Variants in NOS2 observed in about 807,000 individuals in gnomAD.
NOS2 encodes the protein nitric oxide synthase 2, also known as nitric oxide synthase, inducible.
A neutral mutation model predicts 136.0 loss-of-function variants in NOS2; 96 were observed. The observed-to-expected ratio is 0.71, with a 90% CI of 0.60 to 0.84. The LOEUF (loss-of-function observed/expected upper bound fraction) is 0.84. NOS2 is among the 40% of genes least tolerant of loss of function. The pLI, the probability that NOS2 is intolerant of heterozygous loss-of-function variation, is 0.00. For synonymous variants in NOS2, 539 were observed against 587.5 expected, an observed-to-expected ratio of 0.92 and a Z score of 1.20; for missense variants, 1,237 against 1,496.9, an observed-to-expected ratio of 0.83 and a Z score of 2.87.
intron 6 of NOS2, 60 bp from the exon 7 acceptor site, chr17:27,782,166 T>C (rs1422295055): frequency 1.3e-5 from 19 of 1,450,744 alleles, no homozygotes; most frequent in Non-Finnish European, 1.6e-5. Context: ...GCTTTGAGGC[T>C]GATCAGAAGT....
chr17:27,764,335 T>C (rs1158567921), intron 20 of NOS2, among the ~76,000 whole-genome samples, 191 bp from the exon 21 acceptor site: 1 of 152,058 alleles, frequency 6.6e-6, no homozygotes, highest in South Asian at 2.1e-4. Flanking sequence ...GGAAGGCTGA[T>C]CACCAGCCCC....
chr17:27,795,181 T>C (rs1397011003), intron 2 of NOS2, among the ~76,000 whole-genome samples: 1 of 152,236 alleles, frequency 6.6e-6, no homozygotes, highest in Non-Finnish European at 1.5e-5. Flanking sequence ...CGTTTCCCCG[T>C]TTCCTTCCTG....
At position 27,789,791 on chromosome 17, in the gene NOS2, G is replaced by A. The variant is rs1341653804; in HGVS notation, c.111-103C>T. The A allele has an allele frequency of 1.7e-5, 13 of 767,802 alleles. 1 individual carries two copies. The South Asian group carries it at 1.9e-4, about 11-fold the overall frequency. 47.6% of individuals were successfully genotyped at this position (767,802 alleles called of 1,614,324 possible). On this transcript the variant is annotated intron_variant, in intron 2 of 26. Transcript: ENST00000313735. ...CTCATTTGACAAATAGGGAAACTGA[G>A]TCCAGAGGGTGGGAGTGAATTGTTC...
At position 27,798,742 on chromosome 17, in the gene NOS2, T is replaced by C. The variant is rs781735327; in HGVS notation, c.68A>G (p.Asp23Gly). The C allele has an allele frequency of 1.2e-6, 2 of 1,613,968 alleles. No individual in the cohort carries two copies. Among genetic ancestry groups the C allele is most frequent in the Non-Finnish European group, 1.7e-6 (2 of 1,179,928 alleles). The stretch of plus-strand genomic sequence containing the variant: ...GGCTTTCTCCACATTGTTGTTGATG[T>C]CTTTTTCCCCATTCATTGCATACTG... ...FHQYAMNGEK[D>G]INNNVEKAPC... Residue 23 changes from aspartate to glycine, a missense_variant, in exon 2 of 27, where the codon GAC becomes GGC. Physicochemically the swap from Asp to Gly is moderately conservative, Grantham distance 94 (BLOSUM62 -1). Around this residue, in one of 3 missense-constraint regions of NOS2, gnomAD observed 440 missense variants for 545.4 expected, o/e 0.81. Coordinates refer to ENST00000313735, the MANE Select transcript of NOS2 (RefSeq NM_000625.4).
intron 21 of NOS2, among the ~76,000 whole-genome samples, 195 bp from the exon 22 acceptor site, chr17:27,763,200 A>C (rs28944186): frequency 6.6e-6 from 1 of 152,172 alleles, no homozygotes; most frequent in African/African-American, 2.4e-5. Context: ...AGTCCAGTAC[A>C]TTTATCTAAC....
At chr17:27,772,599 G>T in intron 13 of NOS2, 147 bp from the exon 14 acceptor site, 1 of 861,736 alleles carries the variant, frequency 1.2e-6, no homozygotes, top group Non-Finnish European at 1.8e-6. Flanking sequence ...GCCATGTACC[G>T]TGACAACTCA....
intron 5 of NOS2, 57 bp downstream of exon 5, chr17:27,787,621 G>T: frequency 7.5e-7 from 1 of 1,328,316 alleles, no homozygotes; most frequent in Non-Finnish European, 1.1e-6. Flanking sequence ...GATGGGTAGA[G>T]ACAGGAGAGC....
At position 27,800,496 on chromosome 17, in the gene NOS2, C is replaced by A. The variant is rs545800140; in HGVS notation, c.-231G>T. The stretch of plus-strand genomic sequence containing the variant: ...GGAATGAGGCTGAGTTCTCTGCGGC[C>A]GGAGCCTCAGTTTTCGACTCGCTAC... On this transcript the variant is annotated 5_prime_UTR_variant, in exon 1 of 27. Transcript: ENST00000313735. 1 of 152,066 alleles carries A rather than the reference C, an allele frequency of 6.6e-6. No homozygotes were observed. The highest frequency in any genetic ancestry group is 2.4e-5 in the African/African-American group (1 of 41,470). The allele number at this position is 152,066 out of a possible 1,614,324, so 9.4% of individuals were successfully genotyped here. A position where few individuals can be genotyped will look rare whatever the true frequency, so the allele number is the denominator to read the frequency against.
intron 4 of NOS2, 74 bp downstream of exon 4, chr17:27,788,735 T>C (rs1179212949): frequency 2.6e-6 from 4 of 1,551,040 alleles, no homozygotes; most frequent in Middle Eastern, 2.2e-4. Context: ...GGGGGACACC[T>C]GTTTGATCCA....
intron 4 of NOS2, 41 bp downstream of exon 4, chr17:27,788,768 G>A: frequency 6.3e-7 from 1 of 1,589,448 alleles, no homozygotes; most frequent in South Asian, 1.1e-5. Flanking sequence ...AGCTTCACCA[G>A]CTTGGGACAA....
intron 5 of NOS2, among the ~76,000 whole-genome samples, chr17:27,783,402 G>A (rs1908914306): frequency 6.6e-6 from 1 of 152,138 alleles, no homozygotes; most frequent in Non-Finnish European, 1.5e-5. Context: ...TGAGCCCATG[G>A]GAACACTGCT....
At chr17:27,786,270 A>T (rs1045521884) in intron 5 of NOS2, among the ~76,000 whole-genome samples, 1 of 151,992 alleles carries the variant, frequency 6.6e-6, no homozygotes, top group Non-Finnish European at 1.5e-5. Context: ...AAAATAAAAA[A>T]AAAAAATTAG....
intron 2 of NOS2, among the ~76,000 whole-genome samples, chr17:27,797,626 C>T (rs1567644830): frequency 6.6e-6 from 1 of 152,216 alleles, no homozygotes; most frequent in Non-Finnish European, 1.5e-5. Flanking sequence ...GGGAAAGGCT[C>T]CTCTGGGGCG....
intron 2 of NOS2, among the ~76,000 whole-genome samples, chr17:27,794,527 T>C (rs1909291458): frequency 6.6e-6 from 1 of 152,202 alleles, no homozygotes. Flanking sequence ...TCTGGCAGTA[T>C]GCAAGCACAT....
chr17:27,776,964 C>T (rs17718148), intron 11 of NOS2, among the ~76,000 whole-genome samples: 27,366 of 152,086 alleles, frequency 0.18, 2,598 homozygotes, highest in Middle Eastern at 0.24. Flanking sequence ...CAGTCAGCCA[C>T]GGTGAGGAGA....
intron 25 of NOS2, among the ~76,000 whole-genome samples, chr17:27,759,422 C>T (rs1200237018): frequency 1.3e-5 from 2 of 152,184 alleles, no homozygotes; most frequent in East Asian, 3.9e-4. Flanking sequence ...AAGGGAGCCT[C>T]TCAATGCAGT....
intron 5 of NOS2, among the ~76,000 whole-genome samples, chr17:27,786,493 T>G (rs999923216): frequency 2.0e-5 from 3 of 152,182 alleles, no homozygotes; most frequent in African/African-American, 7.2e-5. Flanking sequence ...AGACATTCTT[T>G]CTTACAATCT....
In NOS2 at chr17:27,760,175, A is replaced by T. The variant is rs752276812; in HGVS notation, c.3014T>A (p.Val1005Glu). ...CACCAAGGTCATGCGGCCTCCCCGC[A>T]CTCCTGCAGGAGTCCCGGGCTGTTG... ...QRLHDSQHKG[V>E]RGGRMTLVFG... is the part of the protein sequence containing the mutation. The change falls in exon 25 of 27, where the codon GTG (valine) becomes GAG (glutamate). Residue 1005 changes from valine (V) to glutamate (E), a missense_variant. Val to Glu is a moderately radical substitution (Grantham distance 121). This residue lies in a region of NOS2 where 782 missense variants were observed against 909.9 expected (regional missense o/e 0.86). Coordinates refer to ENST00000313735, the MANE Select transcript of NOS2 (RefSeq NM_000625.4). The T allele has an allele frequency of 8.3e-6, 13 of 1,563,360 alleles. No homozygotes were observed. The Admixed American group carries it at 2.5e-4, about 30-fold the overall frequency.
chr17:27,762,530 C>G (rs1202065002), intron 22 of NOS2, among the ~76,000 whole-genome samples: 2 of 152,222 alleles, frequency 1.3e-5, no homozygotes, highest in South Asian at 2.1e-4. Context: ...CAGCTCTCCA[C>G]TTACTAACAG....
Sources: allele counts gnomAD v4.1 joint callset (sites outside exome capture counted in the v4.1 genomes callset), GRCh38; gene constraint gnomAD v4.1.1; regional missense constraint gnomAD v4.1.1; transcripts MANE v1.5; gene names NCBI Gene and HGNC (gene_info 2026-07-23, HGNC 2026-07-21).